Variants in ZZZ3 observed in about 807,000 individuals in gnomAD.
ZZZ3 encodes the protein ZZ-type zinc finger-containing protein 3.
A neutral mutation model predicts 95.2 loss-of-function variants in ZZZ3; 22 were observed. The ratio of observed to expected loss-of-function variants is 0.23; its 90% CI spans 0.17 to 0.33. The LOEUF (loss-of-function observed/expected upper bound fraction) is 0.33, where lower values mean the gene tolerates loss of function less well. ZZZ3 is among the 10% of genes least tolerant of loss of function. The probability of loss-of-function intolerance (pLI) is 1.00; values close to 1 mark genes in which losing one functional copy is unlikely to be tolerated. For missense variants in ZZZ3, 885 were observed against 1,066.5 expected (o/e 0.83, Z 2.37); for synonymous variants, 335 against 358.9 (o/e 0.93, Z 0.75).
At position 77,565,691 on chromosome 1, in the gene ZZZ3, C is replaced by T. The variant is rs1281378903; in HGVS notation, c.2661G>A (p.Gln887=). 1 of 1,613,870 alleles carries T rather than the reference C, an allele frequency of 6.2e-7. No individual in the cohort carries two copies. The highest frequency in any genetic ancestry group is 1.3e-5 in the African/African-American group (1 of 74,918). The change falls in exon 15 of 15, where the codon CAG becomes CAA. Residue 887 remains glutamine (Q), a synonymous_variant. Coordinates refer to ENST00000370801, the MANE Select transcript of ZZZ3 (RefSeq NM_015534.6). ...GGTCAAGGTAATTGTAACTGGTGCCCTGAGACACACAGTAGTCTCTGTCTA... is the reference window on the plus strand; with the variant it reads ...GGTCAAGGTAATTGTAACTGGTGCCTTGAGACACACAGTAGTCTCTGTCTA... ...TFLDRDYCVS[Q]GTSYNYLDPN...
chr1:77,674,207 T>C (rs1415396965), intron 1 of ZZZ3, among the ~76,000 whole-genome samples: 1 of 152,182 alleles, frequency 6.6e-6, no homozygotes, highest in Non-Finnish European at 1.5e-5. Flanking sequence ...ATGAATGCCA[T>C]GAGAAAAATG....
intron 4 of ZZZ3, among the ~76,000 whole-genome samples, chr1:77,634,163 G>A (rs926390313): frequency 1.3e-5 from 2 of 151,582 alleles, no homozygotes; most frequent in Non-Finnish European, 2.9e-5. Flanking sequence ...GAGTGAGACT[G>A]TCTCAAAAAA....
intron 8 of ZZZ3, 135 bp from the exon 9 acceptor site, chr1:77,581,204 T>C (rs1004999307): frequency 4.3e-6 from 3 of 703,180 alleles, no homozygotes; most frequent in African/African-American, 3.6e-5. Context: ...TTAATGTATA[T>C]GCTTTTTTTT....
chr1:77,592,385 C>T (rs150452586), intron 5 of ZZZ3, among the ~76,000 whole-genome samples: 3,670 of 152,302 alleles, frequency 0.024, 68 homozygotes, highest in Middle Eastern at 0.092. Context: ...TCACTGCAAC[C>T]TCCGCCTCCC....
chr1:77,567,467 C>T, intron 13 of ZZZ3, among the ~76,000 whole-genome samples: 1 of 152,122 alleles, frequency 6.6e-6, no homozygotes, highest in Admixed American at 6.5e-5. Flanking sequence ...TGATTCTTTC[C>T]AAAACGTAAA....
At position 77,578,943 on chromosome 1, in the gene ZZZ3, C is replaced by T. The variant is rs75431911; in HGVS notation, c.2083-74G>A. The T allele has an allele frequency of 1.9e-4, 138 of 717,076 alleles. 1 individual carries two copies. In the East Asian group the frequency reaches 4.1e-3, roughly 21 times the overall value. 44.4% of individuals were successfully genotyped at this position (717,076 alleles called of 1,614,324 possible). ...CCTGAGTCGTTTTTAAAAATTAAAA[C>T]GTACATGAGTATCTAATGAATGCTA... On this transcript the variant is annotated intron_variant, in intron 10 of 14. Coordinates refer to ENST00000370801, the MANE Select transcript of ZZZ3 (RefSeq NM_015534.6).
At chr1:77,636,996 A>G (rs540205329) in intron 4 of ZZZ3, among the ~76,000 whole-genome samples, 1 of 152,258 alleles carries the variant, frequency 6.6e-6, no homozygotes, top group East Asian at 1.9e-4. Context: ...GTGGTACCTC[A>G]GGCTCTTGCA....
chr1:77,626,598 T>C (rs1030592484), intron 5 of ZZZ3, among the ~76,000 whole-genome samples: 1 of 152,182 alleles, frequency 6.6e-6, no homozygotes, highest in African/African-American at 2.4e-5. Flanking sequence ...CACCTCCTGG[T>C]GTGCAGCCCA....
chr1:77,604,862 T>A (rs1665076789), intron 5 of ZZZ3, among the ~76,000 whole-genome samples: 1 of 152,174 alleles, frequency 6.6e-6, no homozygotes, highest in Non-Finnish European at 1.5e-5. Flanking sequence ...AGCTCCATTA[T>A]CCATTTATAC....
Position 77,632,307 on chromosome 1 carries a change from C to T in ZZZ3, c.1048G>A (p.Gly350Arg), listed in dbSNP as rs368164592. 9 of 1,614,008 alleles carry T rather than the reference C, an allele frequency of 5.6e-6. No homozygotes were observed. The highest frequency in any genetic ancestry group is 1.3e-5 in the African/African-American group (1 of 74,900). Residue 350 changes from glycine to arginine, a missense_variant, in exon 5 of 15, where the codon GGA becomes AGA. Physicochemically the swap from Gly to Arg is moderately radical, Grantham distance 125. Around this residue, in one of 5 missense-constraint regions of ZZZ3, gnomAD observed 556 missense variants for 652.9 expected, o/e 0.85. Transcript: ENST00000370801. ...AGAACAGGAGATGGTTCAGGTTCTC[C>T]GGAGGCTGGCATACTCTCAAGACTT... ...DTSLESMPASGEPEPSPVLDC... is the reference protein window; with the variant it reads ...DTSLESMPASREPEPSPVLDC...
chr1:77,660,860 A>G (rs1670716342), intron 1 of ZZZ3, among the ~76,000 whole-genome samples: 1 of 152,132 alleles, frequency 6.6e-6, no homozygotes, highest in Non-Finnish European at 1.5e-5. Flanking sequence ...ACTAATTTCT[A>G]TTTCTTCCAA....
chr1:77,581,418 T>A (rs1662509848), intron 8 of ZZZ3, among the ~76,000 whole-genome samples: 1 of 152,190 alleles, frequency 6.6e-6, no homozygotes, highest in Admixed American at 6.5e-5. Flanking sequence ...TGGTCACATT[T>A]CACTACACAC....
intron 5 of ZZZ3, among the ~76,000 whole-genome samples, chr1:77,618,235 T>A (rs1666510824): frequency 1.3e-4 from 4 of 31,750 alleles, no homozygotes; most frequent in Non-Finnish European, 3.7e-4. Context: ...AATGCAGCCT[T>A]TTTTTTTTTT....
At chr1:77,576,015 C>A in intron 12 of ZZZ3, 53 bp downstream of exon 12, 2 of 1,345,438 alleles carry the variant, frequency 1.5e-6, no homozygotes, top group Non-Finnish European at 9.9e-7. Flanking sequence ...ATTAGAAAAT[C>A]CTACTCTCTT....
chr1:77,594,989 G>A (rs537597363), intron 5 of ZZZ3, among the ~76,000 whole-genome samples: 1 of 148,260 alleles, frequency 6.7e-6, no homozygotes, highest in African/African-American at 2.5e-5. Context: ...ATGAGGCAAA[G>A]TATAAAGTGC....
chr1:77,579,129 TA>T (rs1242767814), intron 10 of ZZZ3, among the ~76,000 whole-genome samples: 2 of 152,180 alleles, frequency 1.3e-5, no homozygotes, highest in African/African-American at 2.4e-5. Context: ...ATTTGTAGTA[TA>T]AAAACACATC....
At chr1:77,670,969 T>C (rs534437274) in intron 1 of ZZZ3, among the ~76,000 whole-genome samples, 280 of 151,624 alleles carry the variant, frequency 1.8e-3, no homozygotes, top group Middle Eastern at 6.8e-3. Context: ...ACCCAGGAGT[T>C]TACATCTAGC....
Position 77,609,532 on chromosome 1 carries a change from C to T in ZZZ3, c.1505+22318G>A, listed in dbSNP as rs553395439. On this transcript the variant is annotated intron_variant, in intron 5 of 14. Coordinates refer to ENST00000370801, the MANE Select transcript of ZZZ3 (RefSeq NM_015534.6). ...AGCAGACTTAATCTGCACTATAGACCGACCAAATGGACCTAACAGATACAG... is the reference window on the plus strand; with the variant it reads ...AGCAGACTTAATCTGCACTATAGACTGACCAAATGGACCTAACAGATACAG... 9.2e-5 allele frequency among the ~76,000 whole-genome samples: 14 copies of T among 152,116 alleles called. No homozygotes were observed. In the South Asian group the frequency reaches 1.7e-3, roughly 18 times the overall value.
rs562234983 is a variant in ZZZ3 at position 77,668,231 on chromosome 1, A to G, written c.-403+14354T>C. Among the ~76,000 whole-genome samples, 34 of 152,262 alleles carry G rather than the reference A, an allele frequency of 2.2e-4. 1 individual carries two copies. Among genetic ancestry groups the G allele is most frequent in the Admixed American group, 1.1e-3 (17 of 15,278 alleles). On this transcript the variant is annotated intron_variant, in intron 1 of 14. Transcript: ENST00000370801. Reference sequence around the variant, plus strand: ...CCTATCAGTATTGATTGCTTAAACTATCTGTGGTCATTACCAGTTTCTTTT... The same window carrying G: ...CCTATCAGTATTGATTGCTTAAACTGTCTGTGGTCATTACCAGTTTCTTTT...
Sources: allele counts gnomAD v4.1 joint callset (sites outside exome capture counted in the v4.1 genomes callset), GRCh38; gene constraint gnomAD v4.1.1; regional missense constraint gnomAD v4.1.1; transcripts MANE v1.5; gene names NCBI Gene and HGNC (gene_info 2026-07-23, HGNC 2026-07-21).